PPM1H: variants seen among roughly 807,000 people sequenced by gnomAD.
The protein encoded by PPM1H is protein phosphatase 1H.
Under a neutral mutation model 54.9 loss-of-function variants are expected in PPM1H, and 27 were observed. The ratio of observed to expected loss-of-function variants is 0.49; its 90% CI spans 0.36 to 0.68. The LOEUF is 0.68. Ranked by LOEUF, PPM1H falls within the 30% of genes least tolerant of loss-of-function variation. The probability of loss-of-function intolerance (pLI) is 0.00; values close to 1 mark genes in which losing one functional copy is unlikely to be tolerated. For synonymous variants in PPM1H, 305 were observed against 270.8 expected (o/e 1.13, Z -1.24); for missense variants, 596 against 667.8 (o/e 0.89, Z 1.19).
chr12:62,834,967 C>A (rs1463397863), intron 1 of PPM1H, among the ~76,000 whole-genome samples: 4 of 152,128 alleles, frequency 2.6e-5, no homozygotes, highest in Non-Finnish European at 5.9e-5. Flanking sequence ...GCTGGGAAAA[C>A]CTGTTCATGA....
intron 1 of PPM1H, among the ~76,000 whole-genome samples, chr12:62,862,227 G>T (rs189216533): frequency 1.3e-5 from 2 of 152,152 alleles, no homozygotes; most frequent in African/African-American, 4.8e-5. Flanking sequence ...TGGAGAAGTC[G>T]GGGGTTAGGA....
intron 1 of PPM1H, among the ~76,000 whole-genome samples, chr12:62,884,330 AC>A (rs1940865438): frequency 8.4e-6 from 1 of 118,472 alleles, no homozygotes; most frequent in South Asian, 3.1e-4. Context: ...TGACAAAAGC[AC>A]CAAAATGAAA....
intron 1 of PPM1H, among the ~76,000 whole-genome samples, chr12:62,865,979 C>T (rs1290433491): frequency 6.6e-6 from 1 of 152,236 alleles, no homozygotes; most frequent in Non-Finnish European, 1.5e-5. Flanking sequence ...ATTCCCTAAA[C>T]TTCCAGCTCA....
chr12:62,801,744 C>G (rs2076771135), intron 3 of PPM1H, 72 bp downstream of exon 3: 1 of 1,535,122 alleles, frequency 6.5e-7, no homozygotes, highest in Non-Finnish European at 8.9e-7. Flanking sequence ...TGGGAGCCCT[C>G]CAGGAAGGAC....
intron 6 of PPM1H, among the ~76,000 whole-genome samples, chr12:62,711,513 GA>G (rs1046506624): frequency 2.6e-5 from 4 of 152,318 alleles, no homozygotes; most frequent in African/African-American, 7.2e-5. Context: ...ACTACTTTAA[GA>G]GAGATTTTTA....
intron 1 of PPM1H, among the ~76,000 whole-genome samples, chr12:62,862,540 G>A (rs764221642): frequency 1.3e-5 from 2 of 152,114 alleles, no homozygotes; most frequent in Admixed American, 6.5e-5. Flanking sequence ...ATGCCTCTTT[G>A]AATGTCATTT....
intron 2 of PPM1H, among the ~76,000 whole-genome samples, chr12:62,807,830 G>C (rs2120767982): frequency 6.6e-6 from 1 of 152,288 alleles, no homozygotes; most frequent in Admixed American, 6.5e-5. Flanking sequence ...TACAGGTCCA[G>C]AAAAACCTTC....
intron 1 of PPM1H, among the ~76,000 whole-genome samples, chr12:62,853,619 A>G (rs1264810647): frequency 6.6e-6 from 1 of 152,174 alleles, no homozygotes; most frequent in Non-Finnish European, 1.5e-5. Context: ...CACTGTCGCA[A>G]CTTTCCGTCA....
intron 6 of PPM1H, among the ~76,000 whole-genome samples, chr12:62,705,706 C>A (rs1053474673): frequency 1.3e-5 from 2 of 152,162 alleles, no homozygotes; most frequent in Admixed American, 1.3e-4. Context: ...TTAGCTCTCT[C>A]CACCGATATG....
At chr12:62,734,273 G>A (rs2076339220) in intron 5 of PPM1H, among the ~76,000 whole-genome samples, 1 of 151,916 alleles carries the variant, frequency 6.6e-6, no homozygotes, top group Non-Finnish European at 1.5e-5. Flanking sequence ...AATTAATTCT[G>A]TTGTTTATTA....
intron 1 of PPM1H, among the ~76,000 whole-genome samples, chr12:62,889,030 A>G (rs1030085301): frequency 2.6e-5 from 4 of 152,188 alleles, no homozygotes; most frequent in Non-Finnish European, 5.9e-5. Context: ...ATCCCTAGCA[A>G]TGACTCTTTA....
intron 1 of PPM1H, among the ~76,000 whole-genome samples, chr12:62,929,985 G>C (rs536296977): frequency 1.8e-4 from 28 of 152,266 alleles, no homozygotes; most frequent in African/African-American, 6.3e-4. Context: ...CAGTCAGTAA[G>C]AGGGGCAGGT....
chr12:62,704,066 A>G (rs977664137), intron 6 of PPM1H, among the ~76,000 whole-genome samples: 1 of 151,566 alleles, frequency 6.6e-6, no homozygotes, highest in Admixed American at 6.6e-5. Flanking sequence ...TCTTACTATT[A>G]TATTTTAAAT....
At chr12:62,832,001 C>T (rs1290940174) in intron 2 of PPM1H, 113 bp downstream of exon 2, 2 of 1,288,200 alleles carry the variant, frequency 1.6e-6, no homozygotes, top group Non-Finnish European at 2.2e-6. Flanking sequence ...ACTCTGGGGA[C>T]ACTGCTTTCT....
intron 9 of PPM1H, among the ~76,000 whole-genome samples, chr12:62,653,747 T>C (rs532046899): frequency 6.6e-6 from 1 of 152,310 alleles, no homozygotes; most frequent in East Asian, 1.9e-4. Flanking sequence ...CTAGAACATG[T>C]TCATTTCAGC....
intron 1 of PPM1H, among the ~76,000 whole-genome samples, chr12:62,871,549 CTGTTG>C (rs1869985388): frequency 7.1e-6 from 1 of 140,192 alleles, no homozygotes; most frequent in Non-Finnish European, 1.5e-5. Flanking sequence ...GGGTCTCACT[CTGTTG>C]TCCATGCTGG....
At chr12:62,683,747 C>T (rs1420986935) in intron 8 of PPM1H, among the ~76,000 whole-genome samples, 2 of 152,120 alleles carry the variant, frequency 1.3e-5, no homozygotes, top group Non-Finnish European at 2.9e-5. Flanking sequence ...ATAGAGAGGG[C>T]CTTGTTTCTC....
At chr12:62,859,880 C>T (rs1592640299) in intron 1 of PPM1H, among the ~76,000 whole-genome samples, 1 of 152,232 alleles carries the variant, frequency 6.6e-6, no homozygotes, top group Non-Finnish European at 1.5e-5. Flanking sequence ...AAGAGACATT[C>T]AAGAGTTAGA....
chr12:62,720,256 A>T lies in PPM1H; in HGVS notation c.988T>A (p.Phe330Ile). Residue 330 changes from phenylalanine (F) to isoleucine (I), a missense_variant, in exon 6 of 10, where the codon TTC (phenylalanine) becomes ATC (isoleucine). Coordinates refer to ENST00000228705, the MANE Select transcript of PPM1H (RefSeq NM_020700.2). ...FMQPHLLGNEFTHLEFPRRVQ... is the reference protein window; with the variant it reads ...FMQPHLLGNEITHLEFPRRVQ... ...CTCCTTGGAAACTCCAAATGTGTGA[A>T]CTCATTTCCCAGCAAGTGAGGCTGC... The T allele has an allele frequency of 6.2e-7, 1 of 1,613,740 alleles. No individual in the cohort carries two copies. The highest frequency in any genetic ancestry group is 8.5e-7 in the Non-Finnish European group (1 of 1,179,684).
Sources: allele counts gnomAD v4.1 joint callset (sites outside exome capture counted in the v4.1 genomes callset), GRCh38; gene constraint gnomAD v4.1.1; transcripts MANE v1.5; gene names NCBI Gene and HGNC (gene_info 2026-07-23, HGNC 2026-07-21).